SEPTIN9: variants seen among roughly 807,000 people sequenced by gnomAD.
SEPTIN9 encodes septin 9.
Under a neutral mutation model 56.6 loss-of-function variants are expected in SEPTIN9, and 13 were observed. The observed-to-expected ratio is 0.23, with a 90% CI of 0.15 to 0.37. SEPTIN9 has a LOEUF of 0.37. SEPTIN9 is among the 10% of genes least tolerant of loss of function. SEPTIN9 has a pLI of 1.00. For synonymous variants in SEPTIN9, 332 were observed against 334.1 expected (o/e 0.99, Z 0.07); for missense variants, 650 against 823.1 (o/e 0.79, Z 2.57).
At chr17:77,385,087 T>A (rs1363988892) in intron 2 of SEPTIN9, among the ~76,000 whole-genome samples, 1 of 151,830 alleles carries the variant, frequency 6.6e-6, no homozygotes, top group Non-Finnish European at 1.5e-5. Flanking sequence ...ATCCCAACAC[T>A]CTGGGAGGCT....
intron 3 of SEPTIN9, among the ~76,000 whole-genome samples, chr17:77,459,348 G>A (rs566025196): frequency 1.3e-5 from 2 of 152,110 alleles, no homozygotes; most frequent in African/African-American, 4.8e-5. Flanking sequence ...TCATTCACTC[G>A]CACATTCACC....
At chr17:77,458,296 G>A (rs1389403205) in intron 3 of SEPTIN9, among the ~76,000 whole-genome samples, 1 of 152,172 alleles carries the variant, frequency 6.6e-6, no homozygotes, top group Non-Finnish European at 1.5e-5. Context: ...CAGCCAGGGC[G>A]GGGTCCCAAG....
At chr17:77,454,062 G>A (rs2038088133) in intron 3 of SEPTIN9, 5 of 985,566 alleles carry the variant, frequency 5.1e-6, no homozygotes, top group Non-Finnish European at 6.0e-6. Flanking sequence ...CGGGAGTGTG[G>A]GAAGAGGGCT....
chr17:77,378,691 G>T (rs1473173934), intron 2 of SEPTIN9, among the ~76,000 whole-genome samples: 1 of 152,198 alleles, frequency 6.6e-6, no homozygotes, highest in African/African-American at 2.4e-5. Context: ...CCGCCTGGGG[G>T]TCCCTCTGAG....
At chr17:77,485,252 T>TGAAG (rs1377068992) in intron 4 of SEPTIN9, among the ~76,000 whole-genome samples, 4 of 93,104 alleles carry the variant, frequency 4.3e-5, no homozygotes, top group Admixed American at 2.0e-4. Flanking sequence ...ATTGTGATGG[T>TGAAG]GGTGATTGTG....
In SEPTIN9 at chr17:77,420,892, G is replaced by T. The variant is rs149672925; in HGVS notation, c.721+18189G>T. Among the ~76,000 whole-genome samples, 825 of 152,290 alleles carry T rather than the reference G, an allele frequency of 5.4e-3. 8 individuals are homozygous for T. The highest frequency in any genetic ancestry group is 0.019 in the African/African-American group (795 of 41,558). Reference sequence around the variant, plus strand: ...AAACGCTGGCTTTCACTTACCCCTTGCCCTGCCCAACAGTTACTTTCATCA... The same window carrying T: ...AAACGCTGGCTTTCACTTACCCCTTTCCCTGCCCAACAGTTACTTTCATCA... On this transcript the variant is annotated intron_variant, in intron 3 of 11. Coordinates refer to ENST00000427177, the MANE Select transcript of SEPTIN9 (RefSeq NM_001113491.2).
At chr17:77,382,114 G>A (rs773885080) in intron 2 of SEPTIN9, among the ~76,000 whole-genome samples, 3 of 151,556 alleles carry the variant, frequency 2.0e-5, no homozygotes, top group Admixed American at 6.6e-5. Context: ...TGCATCCTCC[G>A]CCTCCTGGGT....
chr17:77,357,258 C>T (rs768479251), intron 2 of SEPTIN9, among the ~76,000 whole-genome samples: 40 of 152,166 alleles, frequency 2.6e-4, no homozygotes, highest in Non-Finnish European at 5.3e-4. Context: ...AGAACAAGGA[C>T]ACATCCACAG....
At chr17:77,366,734 A>G (rs1424912984) in intron 2 of SEPTIN9, among the ~76,000 whole-genome samples, 2 of 152,190 alleles carry the variant, frequency 1.3e-5, no homozygotes, top group South Asian at 4.1e-4. Context: ...CCCTGGTGGT[A>G]TCATCAGAGC....
chr17:77,380,660 G>A (rs772202995), intron 2 of SEPTIN9, among the ~76,000 whole-genome samples: 1 of 152,056 alleles, frequency 6.6e-6, no homozygotes, highest in Non-Finnish European at 1.5e-5. Context: ...AGTCTCCCTC[G>A]CCTTCCCATC....
intron 2 of SEPTIN9, among the ~76,000 whole-genome samples, chr17:77,387,124 C>T (rs312833): frequency 0.27 from 41,550 of 152,024 alleles, 6,260 homozygotes; most frequent in East Asian, 0.49. Flanking sequence ...CAAAGCCCCA[C>T]GAACTTTGGG....
chr17:77,482,527 T>C (rs2039500136), intron 4 of SEPTIN9, 192 bp downstream of exon 4: 2 of 721,488 alleles, frequency 2.8e-6, no homozygotes, highest in Admixed American at 4.0e-5. Flanking sequence ...CTCCAGCGGC[T>C]CCTCAGAGGG....
Position 77,371,469 on chromosome 17 carries a change from T to C in SEPTIN9, c.77-30590T>C, listed in dbSNP as rs889410465. Among the ~76,000 whole-genome samples the C allele has an allele frequency of 3.7e-4, 57 of 152,242 alleles. No homozygotes were observed. Among genetic ancestry groups the C allele is most frequent in the African/African-American group, 1.3e-3 (53 of 41,452 alleles). On this transcript the variant is annotated intron_variant, in intron 2 of 11. Transcript: ENST00000427177. This position sits in a 1 kb window ranked among gnomAD's most constrained non-coding sequence, Gnocchi z 4.1. The stretch of plus-strand genomic sequence containing the variant: ...GGGTGTGTCCACACTCACCAGGTGC[T>C]TTTTAGAAAAACACTCGAGAATAAT...
chr17:77,363,875 T>TGGTTCCGGCAGCCTTGGTC (rs760003463), intron 2 of SEPTIN9, among the ~76,000 whole-genome samples: 4,139 of 152,192 alleles, frequency 0.027, 81 homozygotes, highest in Non-Finnish European at 0.042. Context: ...GCCTCTGGCC[T>TGGTTCCGGCAGCCTTGGTC]GGTTCCGGCA....
chr17:77,302,874 C>T (rs1031453304), intron 1 of SEPTIN9, among the ~76,000 whole-genome samples: 4 of 152,110 alleles, frequency 2.6e-5, no homozygotes, highest in African/African-American at 4.8e-5. Context: ...GAGCTGGTTC[C>T]ACAAGGAAGA....
At chr17:77,377,267 A>T (rs2143940077) in intron 2 of SEPTIN9, 1 of 152,296 alleles carries the variant, frequency 6.6e-6, no homozygotes, top group Non-Finnish European at 1.5e-5. Context: ...TAATAGGGTG[A>T]CAAGAGGGAT....
chr17:77,408,130 C>T (rs2144130368), intron 3 of SEPTIN9, among the ~76,000 whole-genome samples: 1 of 152,314 alleles, frequency 6.6e-6, no homozygotes. Context: ...GCCCAGTGCC[C>T]AGCTCAGTTC....
intron 2 of SEPTIN9, among the ~76,000 whole-genome samples, chr17:77,398,418 A>C (rs1455595298): frequency 4.6e-5 from 7 of 151,780 alleles, no homozygotes; most frequent in Non-Finnish European, 1.0e-4. Flanking sequence ...TGACATGGGG[A>C]GGGGGTGGTG....
At chr17:77,341,751 C>T (rs1443228075) in intron 2 of SEPTIN9, among the ~76,000 whole-genome samples, 1 of 137,190 alleles carries the variant, frequency 7.3e-6, no homozygotes, top group Non-Finnish European at 1.6e-5. Flanking sequence ...CTCCACTGCA[C>T]TCCAGCCTGG....
Sources: gnomAD v4.1 joint callset for allele counts (sites outside exome capture counted in the v4.1 genomes callset) on GRCh38, gnomAD v4.1.1 for gene constraint, Gnocchi (gnomAD v3.1) non-coding constraint, MANE v1.5 for transcripts, NCBI Gene and HGNC (gene_info 2026-07-23, HGNC 2026-07-21) for gene names.